C2: variants seen among roughly 807,000 people sequenced by gnomAD.
C2 encodes the protein complement C2, also known as C3/C5 convertase.
C2 carries 64 observed loss-of-function variants against 85.2 expected under a neutral mutation model. That is an observed-to-expected ratio of 0.75 (90% confidence interval 0.61 to 0.92). C2 has a LOEUF of 0.92. Among genes scored for constraint, C2 ranks in the 40% least tolerant of loss-of-function variants. C2 has a pLI of 0.00. For missense variants in C2, 820 were observed against 971.6 expected (o/e 0.84, Z 2.07); for synonymous variants, 311 against 370.8 (o/e 0.84, Z 1.85).
chr6:31,929,301 G>A (rs1769528709), intron 3 of C2, among the ~76,000 whole-genome samples: 1 of 152,196 alleles, frequency 6.6e-6, no homozygotes. Flanking sequence ...GCCCTACTCT[G>A]ACTTTGACAG....
chr6:31,919,306 G>A (rs530307567), upstream of C2, among the ~76,000 whole-genome samples: 10 of 151,932 alleles, frequency 6.6e-5, no homozygotes, highest in South Asian at 8.3e-4. Flanking sequence ...CAACACACCC[G>A]GCTAATTTTT....
chr6:31,902,170 C>G (rs1176639309), intron 1 of C2, among the ~76,000 whole-genome samples: 1 of 147,336 alleles, frequency 6.8e-6, no homozygotes, highest in Admixed American at 6.7e-5. Context: ...AAGGGCCGGA[C>G]GGCCTTGCCT....
chr6:31,901,408 C>T, intron 1 of C2: 1 of 1,276,498 alleles, frequency 7.8e-7, no homozygotes. Flanking sequence ...CCCATTCTTG[C>T]CCAGCCCCCC....
chr6:31,902,192 G>C (rs1186266712), intron 1 of C2, among the ~76,000 whole-genome samples: 1 of 147,230 alleles, frequency 6.8e-6, no homozygotes, highest in Non-Finnish European at 1.5e-5. Flanking sequence ...CTCTTTGGCC[G>C]GGATTATTTG....
At chr6:31,903,318 T>C (rs2151697797) in intron 1 of C2, among the ~76,000 whole-genome samples, 1 of 152,296 alleles carries the variant, frequency 6.6e-6, no homozygotes, top group East Asian at 1.9e-4. Flanking sequence ...ATGTTGTGGG[T>C]TTTGTTTTGC....
chr6:31,944,171 A>G lies in C2; in HGVS notation c.1847A>G (p.His616Arg), dbSNP rs1320525022. 1 of 1,612,876 alleles carries G rather than the reference A, an allele frequency of 6.2e-7. No individual in the cohort carries two copies. ...ELLNKQSVPA[H>R]FVALNGSKLN... The stretch of plus-strand genomic sequence containing the variant: ...CTGAACAAACAGAGTGTTCCTGCTC[A>G]TTTTGTCGCCTTGAATGGGAGCAAA... The change falls in exon 15 of 18, where the codon CAT becomes CGT. Residue 616 changes from histidine to arginine, a missense_variant. Physicochemically the swap from His to Arg is conservative, Grantham distance 29 (BLOSUM62 0). Transcript: ENST00000299367. This position sits in a 1 kb window ranked among gnomAD's most constrained non-coding sequence, Gnocchi z 5.1.
intron 1 of C2, among the ~76,000 whole-genome samples, chr6:31,905,957 A>G (rs1215672093): frequency 6.6e-6 from 1 of 152,096 alleles, no homozygotes; most frequent in African/African-American, 2.4e-5. Flanking sequence ...TGTCTAAGAC[A>G]TTCAAAGTAT....
chr6:31,939,510 CTTTTTTTTT>C (rs896123643), intron 9 of C2, among the ~76,000 whole-genome samples, 190 bp downstream of exon 9: 1 of 126,432 alleles, frequency 7.9e-6, no homozygotes. Flanking sequence ...ACCTTACCTT[CTTTTTTTTT>C]TTTTTTTTTT....
At chr6:31,931,712 C>A (rs1405348239) in intron 3 of C2, among the ~76,000 whole-genome samples, 1 of 152,192 alleles carries the variant, frequency 6.6e-6, no homozygotes, top group African/African-American at 2.4e-5. Context: ...TTTTCCCCAC[C>A]TTTCCCCCCT....
At chr6:31,918,462 A>G (rs1280824021), upstream of C2, among the ~76,000 whole-genome samples, 1 of 148,444 alleles carries the variant, frequency 6.7e-6, no homozygotes, top group East Asian at 2.0e-4. Context: ...GGGCATGGTG[A>G]TGCATGCTTC....
chr6:31,936,763 T>G (rs942058224), intron 7 of C2: 19 of 156,784 alleles, frequency 1.2e-4, no homozygotes, highest in African/African-American at 4.1e-4. Flanking sequence ...CACCTCAGCC[T>G]CCCAAAGTGC....
At chr6:31,918,159 C>A (rs9267675), upstream of C2, among the ~76,000 whole-genome samples, 1,102 of 151,980 alleles carry the variant, frequency 7.3e-3, 13 homozygotes, top group Non-Finnish European at 8.8e-3. Context: ...ATGGCATATG[C>A]CTGTAATCTC....
rs1265941 is a variant in C2 at position 31,904,575 on chromosome 6, A to C, written c.73+3436A>C. ...GTGATCCACCTTGCTCAGCCTCCCA[A>C]AGTGTTGGGATTACAGGCGTGAGCC... On this transcript the variant is annotated intron_variant, in intron 1 of 3. Transcript: ENST00000452202. This position sits in a 1 kb window ranked among gnomAD's most constrained non-coding sequence, Gnocchi z 4.4. 0.077 allele frequency among the ~76,000 whole-genome samples: 11,739 copies of C among 152,002 alleles called. 572 individuals are homozygous for C. The highest frequency in any genetic ancestry group is 0.11 in the South Asian group (551 of 4,798).
chr6:31,936,025 G>C lies in C2; in HGVS notation c.952G>C (p.Glu318Gln). The change falls in exon 7 of 18, where the codon GAG (glutamate) becomes CAG (glutamine). Residue 318 changes from glutamate (E) to glutamine (Q), a missense_variant. By Grantham distance (29) the Glu-to-Gln change is conservative. Coordinates refer to ENST00000299367, the MANE Select transcript of C2 (RefSeq NM_000063.6). Reference sequence around the variant, plus strand: ...GAACGACAACTCCCGGGATATGACTGAGGTGATCAGCAGCCTGGAAAATGC... The same window carrying C: ...GAACGACAACTCCCGGGATATGACTCAGGTGATCAGCAGCCTGGAAAATGC... ...VLNDNSRDMT[E>Q]VISSLENANY... The C allele has an allele frequency of 6.2e-7, 1 of 1,613,080 alleles. No homozygotes were observed. The highest frequency in any genetic ancestry group is 8.5e-7 in the Non-Finnish European group (1 of 1,180,022).
At chr6:31,929,491 G>C (rs918359170) in intron 3 of C2, among the ~76,000 whole-genome samples, 2 of 149,558 alleles carry the variant, frequency 1.3e-5, no homozygotes, top group South Asian at 2.1e-4. Flanking sequence ...GAGGCCAAGG[G>C]GGGTGGATCA....
At chr6:31,915,074 C>T (rs570769335), upstream of C2, among the ~76,000 whole-genome samples, 19 of 152,298 alleles carry the variant, frequency 1.2e-4, no homozygotes, top group South Asian at 2.7e-3. Flanking sequence ...TTGCTTTTAG[C>T]CCCTGTTGTC....
In C2 at chr6:31,945,005, T is replaced by C; in HGVS notation, c.2055T>C (p.Leu685=). The part of the protein sequence containing the change: ...CKGESGGAVF[L]ERRFRFFQVG... ...GAGAATCTGGGGGAGCAGTTTTCCT[T>C]GAGCGGAGATTCAGGTTTTTTCAGG... is the stretch of plus-strand genomic sequence containing the variant. The change falls in exon 17 of 18, where the codon CTT becomes CTC. Residue 685 remains leucine, a synonymous_variant. Coordinates refer to ENST00000299367, the MANE Select transcript of C2 (RefSeq NM_000063.6). This position sits in a 1 kb window ranked among gnomAD's most constrained non-coding sequence, Gnocchi z 5.3. The C allele has an allele frequency of 1.2e-6, 2 of 1,613,070 alleles. No individual in the cohort carries two copies. Among genetic ancestry groups the C allele is most frequent in the Non-Finnish European group, 1.7e-6 (2 of 1,180,038 alleles).
chr6:31,928,867 G>A lies in C2; in HGVS notation c.392G>A (p.Cys131Tyr), dbSNP rs760744400. ...FILRGSPVRQCRPNGMWDGET... is the reference protein window; with the variant it reads ...FILRGSPVRQYRPNGMWDGET... The stretch of plus-strand genomic sequence containing the variant: ...TTGCGGGGCTCGCCTGTGCGTCAGT[G>A]TCGCCCCAACGGCATGTGGGATGGA... Residue 131 changes from cysteine to tyrosine, a missense_variant, in exon 3 of 18, where the codon TGT becomes TAT. Cys to Tyr is a radical substitution (Grantham distance 194). Transcript: ENST00000299367. 1.9e-6 allele frequency: 3 copies of A among 1,614,130 alleles called. No individual in the cohort carries two copies. The highest frequency in any genetic ancestry group is 2.7e-5 in the African/African-American group (2 of 74,954).
upstream of C2, among the ~76,000 whole-genome samples, chr6:31,923,890 C>G (rs377629531): frequency 1.1e-4 from 17 of 151,906 alleles, no homozygotes; most frequent in East Asian, 2.9e-3. Flanking sequence ...AACTCTGCCT[C>G]CCGGGTTCCT....
Sources: allele counts gnomAD v4.1 joint callset (sites outside exome capture counted in the v4.1 genomes callset), GRCh38; gene constraint gnomAD v4.1.1; non-coding constraint Gnocchi (gnomAD v3.1); transcripts MANE v1.5; gene names NCBI Gene and HGNC (gene_info 2026-07-23, HGNC 2026-07-21).